The following PKD1L1 variants were observed in gnomAD, a reference collection of about 807,000 sequenced individuals.
PKD1L1 encodes polycystin-1-like protein 1.
A neutral mutation model predicts 323.4 loss-of-function variants in PKD1L1; 236 were observed. The ratio of observed to expected loss-of-function variants is 0.73; its 90% CI spans 0.66 to 0.81. The LOEUF (loss-of-function observed/expected upper bound fraction) is 0.81, where lower values mean the gene tolerates loss of function less well. PKD1L1 is among the 40% of genes least tolerant of loss of function. The pLI is 0.00. For synonymous variants in PKD1L1, 1,344 were observed against 1,335.0 expected (o/e 1.01, Z -0.15); for missense variants, 3,320 against 3,508.0 (o/e 0.95, Z 1.35).
In PKD1L1 at chr7:47,834,969, T is replaced by C. The variant is rs770654783; in HGVS notation, c.6125A>G (p.His2042Arg). 4 of 1,613,212 alleles carry C rather than the reference T, an allele frequency of 2.5e-6. No individual in the cohort carries two copies. Among genetic ancestry groups the C allele is most frequent in the East Asian group, 2.2e-5 (1 of 44,874 alleles). The change falls in exon 39 of 57, where the codon CAT (histidine) becomes CGT (arginine). Residue 2042 changes from histidine to arginine, a missense_variant and splice_region_variant. Physicochemically the swap from His to Arg is conservative, Grantham distance 29 (BLOSUM62 0). Coordinates refer to ENST00000289672, the MANE Select transcript of PKD1L1 (RefSeq NM_138295.5). ...TGAGAGTTTTAATGTACATTTACCA[T>C]GGGGTGCCTCGGTCTGTGCTCCTCC... is the stretch of plus-strand genomic sequence containing the variant. ...LRGGAQTEAP[H>R]GPNSWGRIPD...
intron 52 of PKD1L1, among the ~76,000 whole-genome samples, chr7:47,804,366 T>G (rs1170056284): frequency 6.6e-6 from 1 of 152,140 alleles, no homozygotes; most frequent in Non-Finnish European, 1.5e-5. Flanking sequence ...TAAATTTGTT[T>G]TATAATATAT....
intron 10 of PKD1L1, 149 bp from the exon 11 acceptor site, chr7:47,905,474 C>A: frequency 1.1e-6 from 1 of 924,788 alleles, no homozygotes; most frequent in Non-Finnish European, 1.6e-6. Flanking sequence ...AGCAAGGATG[C>A]AGCTGTGGGC....
chr7:47,902,059 A>AAAAGAAAAGAAAAGAAAAGAAAAG (rs57445026), intron 13 of PKD1L1, among the ~76,000 whole-genome samples: 4,881 of 120,560 alleles, frequency 0.04, 284 homozygotes, highest in African/African-American at 0.13. Context: ...GAAAAGAAAA[A>AAAAGAAAAGAAAAGAAAAGAAAAG]AAAGAAAAGA....
intron 20 of PKD1L1, 129 bp downstream of exon 20, chr7:47,881,780 C>T (rs1786558766): frequency 2.2e-6 from 2 of 907,996 alleles, no homozygotes; most frequent in Admixed American, 5.9e-5. Flanking sequence ...AGAACAAGCA[C>T]AAGTAGAAAA....
intron 16 of PKD1L1, among the ~76,000 whole-genome samples, chr7:47,888,371 G>A (rs976595837): frequency 6.6e-6 from 1 of 152,232 alleles, no homozygotes; most frequent in Admixed American, 6.5e-5. Context: ...GATCCAGTGA[G>A]GCAAGGACAC....
intron 41 of PKD1L1, 102 bp downstream of exon 41, chr7:47,832,988 T>G: frequency 3.3e-5 from 47 of 1,416,458 alleles, no homozygotes; most frequent in Non-Finnish European, 4.0e-5. Flanking sequence ...GAGTATTCAG[T>G]GACATTTGGC....
intron 12 of PKD1L1, 39 bp from the exon 13 acceptor site, chr7:47,902,550 T>C: frequency 4.4e-6 from 7 of 1,602,550 alleles, no homozygotes; most frequent in Non-Finnish European, 6.0e-6. Flanking sequence ...CAAATTTATG[T>C]TGATGAACGT....
intron 31 of PKD1L1, among the ~76,000 whole-genome samples, chr7:47,847,638 T>C (rs967120340): frequency 1.3e-5 from 2 of 152,204 alleles, no homozygotes; most frequent in Admixed American, 6.5e-5. Flanking sequence ...CAAGACTTTT[T>C]AATAAGTGGT....
chr7:47,808,047 A>G (rs1468627668), intron 52 of PKD1L1, among the ~76,000 whole-genome samples, 200 bp downstream of exon 52: 2 of 151,958 alleles, frequency 1.3e-5, no homozygotes, highest in Non-Finnish European at 2.9e-5. Flanking sequence ...GAATCCACAT[A>G]CCCCAGTGTT....
rs745410788 is a variant in PKD1L1, at chr7:47,946,459, CCACA to C, written c.44+1934_44+1937del. Among the ~76,000 whole-genome samples, 10 of 150,088 alleles carry C rather than the reference CCACA, an allele frequency of 6.7e-5. No homozygotes were observed. The highest frequency in any genetic ancestry group is 2.0e-4 in the African/African-American group (8 of 40,786). On this transcript the variant is annotated intron_variant, in intron 1 of 56. Coordinates refer to ENST00000289672, the MANE Select transcript of PKD1L1 (RefSeq NM_138295.5). The surrounding 1 kb of genome is among the most constrained non-coding windows in gnomAD (Gnocchi z 4.1). ...ACACCACACAGCACATACCCACCCACCACACACACATCGCACACACCACACACCA... is the reference window on the plus strand; with the variant it reads ...ACACCACACAGCACATACCCACCCACCACACATCGCACACACCACACACCA...
chr7:47,809,665 C>A, intron 50 of PKD1L1, 88 bp from the exon 51 acceptor site: 1 of 933,344 alleles, frequency 1.1e-6, no homozygotes, highest in African/African-American at 1.7e-5. Flanking sequence ...AGCTCCCCTG[C>A]CAATCACCTT....
At chr7:47,815,310 A>G (rs1348324009) in intron 47 of PKD1L1, 24 bp downstream of exon 47, 3 of 1,611,124 alleles carry the variant, frequency 1.9e-6, no homozygotes, top group Non-Finnish European at 1.7e-6. Context: ...ATGATCTCCT[A>G]TGAAGAGGAG....
intron 19 of PKD1L1, among the ~76,000 whole-genome samples, chr7:47,882,388 C>T (rs1005538782): frequency 5.3e-5 from 8 of 150,726 alleles, no homozygotes; most frequent in South Asian, 2.1e-4. Context: ...GGAGACACAG[C>T]GTGAACCAGA....
intron 9 of PKD1L1, 51 bp from the exon 10 acceptor site, chr7:47,906,013 C>T: frequency 6.7e-7 from 1 of 1,490,998 alleles, no homozygotes; most frequent in African/African-American, 1.4e-5. Context: ...AATTAATTCA[C>T]TTTTATCATG....
At chr7:47,813,341 C>T (rs1156498239) in intron 48 of PKD1L1, 48 bp from the exon 49 acceptor site, 1 of 1,601,648 alleles carries the variant, frequency 6.2e-7, no homozygotes, top group Non-Finnish European at 8.5e-7. Flanking sequence ...ATTCCCAAGG[C>T]TACCCTGCAA....
chr7:47,878,129 G>A (rs977370520), intron 21 of PKD1L1, among the ~76,000 whole-genome samples: 22 of 152,112 alleles, frequency 1.4e-4, no homozygotes, highest in African/African-American at 5.1e-4. Context: ...CAGCTTCGTT[G>A]AATGTATAGC....
intron 54 of PKD1L1, among the ~76,000 whole-genome samples, chr7:47,797,553 C>T (rs2128724990): frequency 6.6e-6 from 1 of 152,350 alleles, no homozygotes. Flanking sequence ...CTGACTCTTC[C>T]ACCCAGAGAC....
rs1386960099 is a variant in PKD1L1 at position 47,808,498 on chromosome 7, A to G, written c.7687-111T>C. 7 of 1,319,822 alleles carry G rather than the reference A, an allele frequency of 5.3e-6. No individual in the cohort carries two copies. The African/African-American group carries it at 7.3e-5, about 14-fold the overall frequency. The allele number at this position is 1,319,822 out of a possible 1,614,324, so 81.8% of individuals were successfully genotyped here. A position where few individuals can be genotyped will look rare whatever the true frequency, so the allele number is the denominator to read the frequency against. On this transcript the variant is annotated intron_variant, in intron 51 of 56. Transcript: ENST00000289672. ...AGTCATGAGTCACTTAACTACAGGG[A>G]TGCCTTCTGAGAAATGCATCGCTGG...
chr7:47,811,929 G>A lies in PKD1L1; in HGVS notation c.7469C>T (p.Ser2490Phe). 1.9e-6 allele frequency: 3 copies of A among 1,608,086 alleles called. No homozygotes were observed. The highest frequency in any genetic ancestry group is 2.5e-6 in the Non-Finnish European group (3 of 1,177,462). ...CGTAGGGAGGATCTCCACTCTCAGG[G>A]ACACGCTGGTGAAGAGTTGGGTTGG... ...NPPTQLFTSV[S>F]LRVEILPTGS... Residue 2490 changes from serine to phenylalanine, a missense_variant, in exon 50 of 57, where the codon TCC (serine) becomes TTC (phenylalanine). Coordinates refer to ENST00000289672, the MANE Select transcript of PKD1L1 (RefSeq NM_138295.5).
Sources: gnomAD v4.1 joint callset for allele counts (sites outside exome capture counted in the v4.1 genomes callset) on GRCh38, gnomAD v4.1.1 for gene constraint, Gnocchi (gnomAD v3.1) non-coding constraint, MANE v1.5 for transcripts, NCBI Gene and HGNC (gene_info 2026-07-23, HGNC 2026-07-21) for gene names.